ST8SIA2: variants seen among roughly 807,000 people sequenced by gnomAD.
The protein encoded by ST8SIA2 is ST8 alpha-N-acetyl-neuraminide alpha-2,8-sialyltransferase 2.
A neutral mutation model predicts 37.6 loss-of-function variants in ST8SIA2; 22 were observed. The observed-to-expected ratio is 0.58, with a 90% CI of 0.42 to 0.83. The LOEUF is 0.83. ST8SIA2 is among the 40% of genes least tolerant of loss of function. ST8SIA2 has a pLI of 0.00. For synonymous variants in ST8SIA2, 205 were observed against 201.2 expected (o/e 1.02, Z -0.16); for missense variants, 382 against 484.7 (o/e 0.79, Z 1.99).
At chr15:92,457,990 A>G (rs2049931385) in intron 5 of ST8SIA2, among the ~76,000 whole-genome samples, 3 of 152,216 alleles carry the variant, frequency 2.0e-5, no homozygotes, top group Admixed American at 2.0e-4. Flanking sequence ...AGCTGTGTGC[A>G]CTGCTGGCTT....
chr15:92,448,376 G>A (rs558748279), intron 5 of ST8SIA2, among the ~76,000 whole-genome samples: 1 of 152,334 alleles, frequency 6.6e-6, no homozygotes, highest in Admixed American at 6.5e-5. Context: ...TTGCCTTGGT[G>A]GGACCTTACC....
chr15:92,440,667 A>C (rs1811391938), intron 4 of ST8SIA2, among the ~76,000 whole-genome samples: 1 of 152,122 alleles, frequency 6.6e-6, no homozygotes, highest in Non-Finnish European at 1.5e-5. Flanking sequence ...GTACAGACTT[A>C]CGTTTGACAT....
At chr15:92,415,912 G>A (rs73545818) in intron 1 of ST8SIA2, among the ~76,000 whole-genome samples, 1 of 152,136 alleles carries the variant, frequency 6.6e-6, no homozygotes, top group Non-Finnish European at 1.5e-5. Flanking sequence ...CTTGGTAGGA[G>A]GTGGATGTGT....
At chr15:92,404,356 T>C (rs1488892781) in intron 1 of ST8SIA2, among the ~76,000 whole-genome samples, 1 of 152,126 alleles carries the variant, frequency 6.6e-6, no homozygotes, top group Non-Finnish European at 1.5e-5. Context: ...ATCTGTATAA[T>C]GGGGTTAATG....
chr15:92,412,938 G>A (rs2049560189), intron 1 of ST8SIA2, among the ~76,000 whole-genome samples: 1 of 152,120 alleles, frequency 6.6e-6, no homozygotes, highest in Non-Finnish European at 1.5e-5. Flanking sequence ...GATTACAGGC[G>A]TGAGCCACTG....
At chr15:92,409,028 C>A (rs2049530368) in intron 1 of ST8SIA2, among the ~76,000 whole-genome samples, 1 of 152,176 alleles carries the variant, frequency 6.6e-6, no homozygotes, top group Non-Finnish European at 1.5e-5. Context: ...TTAGAGAAGA[C>A]ACCCACTTTC....
intron 5 of ST8SIA2, among the ~76,000 whole-genome samples, chr15:92,450,192 T>C (rs967622749): frequency 6.6e-6 from 1 of 152,196 alleles, no homozygotes; most frequent in Non-Finnish European, 1.5e-5. Context: ...TTACAAATAC[T>C]ATACCTGATA....
At chr15:92,461,632 A>G (rs1255985911) in intron 5 of ST8SIA2, among the ~76,000 whole-genome samples, 1 of 152,240 alleles carries the variant, frequency 6.6e-6, no homozygotes, top group Non-Finnish European at 1.5e-5. Context: ...GCGCAGTGCC[A>G]TGGTAGCTGT....
intron 1 of ST8SIA2, chr15:92,422,471 A>G (rs1473050486): frequency 6.6e-6 from 1 of 152,234 alleles, no homozygotes; most frequent in Non-Finnish European, 1.5e-5. Context: ...GAAAGGAACT[A>G]CCAAGACTAC....
rs2049980851 is a variant in ST8SIA2 at position 92,464,734 on chromosome 15, A to G, written c.*349A>G. 3.2e-6 allele frequency: 1 copy of G among 311,784 alleles called. No individual in the cohort carries two copies. Among genetic ancestry groups the G allele is most frequent in the African/African-American group, 2.2e-5 (1 of 46,130 alleles). The allele number at this position is 311,784 out of a possible 1,614,324, so 19.3% of individuals were successfully genotyped here. A position where few individuals can be genotyped will look rare whatever the true frequency, so the allele number is the denominator to read the frequency against. On this transcript the variant is annotated 3_prime_UTR_variant, in exon 6 of 6. Coordinates refer to ENST00000268164, the MANE Select transcript of ST8SIA2 (RefSeq NM_006011.4). ...GATGACAAACTGCCTCCTGGCTTGGAGGGATCTTTGGGCTCATGGATGAAT... is the reference window on the plus strand; with the variant it reads ...GATGACAAACTGCCTCCTGGCTTGGGGGGATCTTTGGGCTCATGGATGAAT...
intron 1 of ST8SIA2, among the ~76,000 whole-genome samples, chr15:92,419,270 G>C (rs1260972141): frequency 1.3e-5 from 2 of 152,242 alleles, no homozygotes; most frequent in African/African-American, 4.8e-5. Flanking sequence ...GAAGCAGGGG[G>C]TGGAGTGAGG....
chr15:92,416,747 C>T (rs1243815666), intron 1 of ST8SIA2, among the ~76,000 whole-genome samples: 1 of 152,122 alleles, frequency 6.6e-6, no homozygotes, highest in Non-Finnish European at 1.5e-5. Context: ...CAGGCCTTGC[C>T]CACCTCCTGG....
chr15:92,398,536 C>T (rs2049448449), intron 1 of ST8SIA2, among the ~76,000 whole-genome samples: 1 of 152,242 alleles, frequency 6.6e-6, no homozygotes, highest in Non-Finnish European at 1.5e-5. Context: ...TTAACACATT[C>T]CAGCCTCATG....
intron 1 of ST8SIA2, among the ~76,000 whole-genome samples, chr15:92,419,057 C>T (rs2049610987): frequency 1.3e-5 from 2 of 152,082 alleles, no homozygotes; most frequent in South Asian, 2.1e-4. Context: ...AAGGTCTCTC[C>T]GGGGCCACGT....
chr15:92,394,717 G>T (rs907848449), intron 1 of ST8SIA2, among the ~76,000 whole-genome samples: 2 of 152,162 alleles, frequency 1.3e-5, no homozygotes, highest in African/African-American at 4.8e-5. Context: ...GCCTCCCGCC[G>T]GCCCGGGAGC....
chr15:92,432,337 T>G (rs2049722059), intron 2 of ST8SIA2, among the ~76,000 whole-genome samples: 1 of 152,200 alleles, frequency 6.6e-6, no homozygotes, highest in Non-Finnish European at 1.5e-5. Context: ...GCATAGAAGT[T>G]GGTGGTATCA....
At chr15:92,428,496 G>T (rs899856125) in intron 1 of ST8SIA2, among the ~76,000 whole-genome samples, 2 of 152,116 alleles carry the variant, frequency 1.3e-5, no homozygotes, top group African/African-American at 2.4e-5. Context: ...GATTTTGAGG[G>T]TTAGGGTCCA....
chr15:92,397,036 G>T (rs529822231), intron 1 of ST8SIA2, among the ~76,000 whole-genome samples: 1 of 152,178 alleles, frequency 6.6e-6, no homozygotes, highest in African/African-American at 2.4e-5. Context: ...GATGATCTGC[G>T]CGTGTCGGCC....
chr15:92,423,618 G>T (rs1182391140), intron 1 of ST8SIA2, among the ~76,000 whole-genome samples: 4 of 152,164 alleles, frequency 2.6e-5, no homozygotes, highest in Non-Finnish European at 4.4e-5. Flanking sequence ...TCCTCCAAAG[G>T]GGAGGACCAC....
Sources: gnomAD v4.1 joint callset for allele counts (sites outside exome capture counted in the v4.1 genomes callset) on GRCh38, gnomAD v4.1.1 for gene constraint, MANE v1.5 for transcripts, NCBI Gene and HGNC (gene_info 2026-07-23, HGNC 2026-07-21) for gene names.